The following PTPRJ variants were observed in gnomAD, a reference collection of about 807,000 sequenced individuals.
The protein encoded by PTPRJ is receptor-type tyrosine-protein phosphatase eta.
PTPRJ carries 129 observed loss-of-function variants against 141.3 expected under a neutral mutation model. The observed-to-expected ratio is 0.91, with a 90% CI of 0.79 to 1.06. The LOEUF (loss-of-function observed/expected upper bound fraction) is 1.06. Among genes scored for constraint, PTPRJ ranks in the 50% least tolerant of loss-of-function variants. The probability of loss-of-function intolerance (pLI) is 0.00; values close to 1 mark genes in which losing one functional copy is unlikely to be tolerated. For missense variants in PTPRJ, 1,601 were observed against 1,679.7 expected, an observed-to-expected ratio of 0.95 and a Z score of 0.82; for synonymous variants, 610 against 640.5, an observed-to-expected ratio of 0.95 and a Z score of 0.72.
intron 18 of PTPRJ, 79 bp downstream of exon 18, chr11:48,150,262 T>C (rs564801015): frequency 8.1e-7 from 1 of 1,230,398 alleles, no homozygotes; most frequent in East Asian, 2.3e-5. Flanking sequence ...GGTGGATGGG[T>C]GGCAGGTAGC....
At chr11:48,044,821 G>T (rs1325632207) in intron 1 of PTPRJ, 2 of 152,370 alleles carry the variant, frequency 1.3e-5, no homozygotes, top group East Asian at 1.9e-4. Context: ...GTTGGCGTTG[G>T]CCTTGTTCAC....
At chr11:48,050,402 A>G (rs1854535019) in intron 1 of PTPRJ, among the ~76,000 whole-genome samples, 1 of 152,174 alleles carries the variant, frequency 6.6e-6, no homozygotes, top group Admixed American at 6.5e-5. Context: ...GTACATTGAC[A>G]TATCACTATC....
chr11:47,996,574 T>G (rs971978455), intron 1 of PTPRJ, among the ~76,000 whole-genome samples: 6 of 152,292 alleles, frequency 3.9e-5, no homozygotes, highest in African/African-American at 1.4e-4. Context: ...GGAAGGCATG[T>G]AAGGCACTCA....
At chr11:48,101,980 C>T (rs190753074) in intron 1 of PTPRJ, among the ~76,000 whole-genome samples, 3 of 152,250 alleles carry the variant, frequency 2.0e-5, no homozygotes, top group Non-Finnish European at 2.9e-5. Context: ...TCACACCTGA[C>T]ATGGGCCAGA....
chr11:48,000,591 C>T (rs1416868070), intron 1 of PTPRJ, among the ~76,000 whole-genome samples: 1 of 152,084 alleles, frequency 6.6e-6, no homozygotes, highest in East Asian at 1.9e-4. Flanking sequence ...TCCCCTCCAC[C>T]CTCCGACCTC....
intron 1 of PTPRJ, among the ~76,000 whole-genome samples, chr11:48,065,329 T>A (rs898016077): frequency 1.3e-5 from 2 of 152,106 alleles, no homozygotes; most frequent in Non-Finnish European, 2.9e-5. Flanking sequence ...CTTTGGTTTC[T>A]GAGTCCTCCC....
At chr11:48,105,875 G>C (rs929934588) in intron 1 of PTPRJ, among the ~76,000 whole-genome samples, 1 of 152,168 alleles carries the variant, frequency 6.6e-6, no homozygotes, top group African/African-American at 2.4e-5. Flanking sequence ...AGAGACCCTA[G>C]CTGGAGATGA....
intron 7 of PTPRJ, 127 bp from the exon 8 acceptor site, chr11:48,130,332 C>G: frequency 1.0e-6 from 1 of 974,936 alleles, no homozygotes; most frequent in Admixed American, 2.9e-5. Flanking sequence ...GGTGATGATA[C>G]AAAGAAGACA....
chr11:48,040,267 G>A (rs1457241630), intron 1 of PTPRJ, among the ~76,000 whole-genome samples: 4 of 152,254 alleles, frequency 2.6e-5, no homozygotes, highest in East Asian at 3.8e-4. Context: ...CATAGAGACC[G>A]CAGGATGCTG....
At chr11:48,042,093 T>C (rs942921322) in intron 1 of PTPRJ, among the ~76,000 whole-genome samples, 1 of 152,158 alleles carries the variant, frequency 6.6e-6, no homozygotes. Flanking sequence ...TCAATAAAGA[T>C]ACAATCTCTT....
chr11:48,130,769 T>C (rs563872054), intron 8 of PTPRJ, 53 bp downstream of exon 8: 4 of 1,477,622 alleles, frequency 2.7e-6, no homozygotes, highest in Non-Finnish European at 3.6e-6. Context: ...AGGAAATCAG[T>C]ATAATTAATA....
Position 48,117,540 on chromosome 11 carries a change from C to CAAAAA in PTPRJ, c.353-3432_353-3428dup. 8.6e-4 allele frequency among the ~76,000 whole-genome samples: 17 copies of CAAAAA among 19,690 alleles called. 3 individuals carry two copies. The highest frequency in any genetic ancestry group is 2.1e-3 in the East Asian group (1 of 476). The allele number at this position is 19,690 out of a possible 152,430, so 12.9% of individuals were successfully genotyped here. A position where few individuals can be genotyped will look rare whatever the true frequency, so the allele number is the denominator to read the frequency against. ...TGGGCAACAGAGCAAGATTCTGTCT[C>CAAAAA]AAAAAAAAAAAAAAAAAAAAAAAAA... On this transcript the variant is annotated intron_variant, in intron 3 of 24. Transcript: ENST00000418331.
At position 48,135,404 on chromosome 11, in the gene PTPRJ, C is replaced by T. The variant is rs565136966; in HGVS notation, c.1616-635C>T. ...GCTGGTCAGGCTGGTCTCAAACTCCCGACTTCAGGTGATCCGCCTGCCTTG... is the reference window on the plus strand; with the variant it reads ...GCTGGTCAGGCTGGTCTCAAACTCCTGACTTCAGGTGATCCGCCTGCCTTG... On this transcript the variant is annotated intron_variant, in intron 8 of 24. Transcript: ENST00000418331. 3.3e-5 allele frequency among the ~76,000 whole-genome samples: 5 copies of T among 151,472 alleles called. No individual in the cohort carries two copies. In the East Asian group the frequency reaches 9.7e-4, roughly 29 times the overall value.
chr11:48,135,033 A>G (rs1857058752), intron 8 of PTPRJ, among the ~76,000 whole-genome samples: 1 of 152,196 alleles, frequency 6.6e-6, no homozygotes, highest in African/African-American at 2.4e-5. Context: ...CTTTATTGAG[A>G]TATAATATAC....
Position 48,112,844 on chromosome 11 carries a change from G to A in PTPRJ, c.213G>A (p.Gln71=). 6.2e-7 allele frequency: 1 copy of A among 1,614,186 alleles called. No individual in the cohort carries two copies. Among genetic ancestry groups the A allele is most frequent in the Non-Finnish European group, 8.5e-7 (1 of 1,180,024 alleles). Reference sequence around the variant, plus strand: ...GTACAGCAGAATCCTTTCATAAACAGAATGGAACTGGAACACCTCAGGTGG... The same window carrying A: ...GTACAGCAGAATCCTTTCATAAACAAAATGGAACTGGAACACCTCAGGTGG... The part of the protein sequence containing the change: ...ISSTAESFHK[Q]NGTGTPQVET... Residue 71 remains glutamine, a synonymous_variant, in exon 3 of 25, where the codon CAG becomes CAA. Coordinates refer to ENST00000418331, the MANE Select transcript of PTPRJ (RefSeq NM_002843.4).
At chr11:48,022,502 C>T (rs1163294032) in intron 1 of PTPRJ, among the ~76,000 whole-genome samples, 3 of 151,836 alleles carry the variant, frequency 2.0e-5, no homozygotes, top group Non-Finnish European at 4.4e-5. Context: ...GAAGATGCAG[C>T]GTGGGGCCAT....
intron 1 of PTPRJ, among the ~76,000 whole-genome samples, chr11:48,079,987 C>T (rs906928155): frequency 1.3e-5 from 2 of 152,210 alleles, no homozygotes; most frequent in African/African-American, 2.4e-5. Flanking sequence ...GCATGATTTT[C>T]ACCTGGCTTG....
At chr11:47,994,693 T>TA (rs898358402) in intron 1 of PTPRJ, among the ~76,000 whole-genome samples, 1 of 151,520 alleles carries the variant, frequency 6.6e-6, no homozygotes, top group South Asian at 2.1e-4. Flanking sequence ...ATAAATAAAA[T>TA]AAAAAAACAA....
chr11:48,142,774 G>A, intron 11 of PTPRJ, 145 bp from the exon 12 acceptor site: 2 of 1,001,746 alleles, frequency 2.0e-6, no homozygotes, highest in Non-Finnish European at 2.8e-6. Flanking sequence ...CCTGCCTTTT[G>A]CTTCTGGATT....
Sources: allele counts gnomAD v4.1 joint callset (sites outside exome capture counted in the v4.1 genomes callset), GRCh38; gene constraint gnomAD v4.1.1; transcripts MANE v1.5; gene names NCBI Gene and HGNC (gene_info 2026-07-23, HGNC 2026-07-21).